DLG2: variants seen among roughly 807,000 people sequenced by gnomAD.
The protein encoded by DLG2 is disks large homolog 2.
Under a neutral mutation model 132.5 loss-of-function variants are expected in DLG2, and 45 were observed. The observed-to-expected ratio is 0.34, with a 90% CI of 0.27 to 0.44. The LOEUF is 0.44. Ranked by LOEUF, DLG2 falls within the 20% of genes least tolerant of loss-of-function variation. DLG2 has a pLI of 1.00. For missense variants in DLG2, 1,045 were observed against 1,196.9 expected, an observed-to-expected ratio of 0.87 and a Z score of 1.87; for synonymous variants, 424 against 419.6, an observed-to-expected ratio of 1.01 and a Z score of -0.13.
At chr11:85,467,699 G>A (rs570604925) in intron 3 of DLG2, among the ~76,000 whole-genome samples, 1 of 152,258 alleles carries the variant, frequency 6.6e-6, no homozygotes, top group African/African-American at 2.4e-5. Flanking sequence ...ATGTGCCCCT[G>A]AATTCAGTTT....
chr11:85,091,121 T>A (rs148129387), intron 6 of DLG2, among the ~76,000 whole-genome samples: 1 of 152,162 alleles, frequency 6.6e-6, no homozygotes. Flanking sequence ...CCCATTTGGT[T>A]CCACCTCCAA....
Position 83,850,174 on chromosome 11 carries a change from G to A in DLG2, c.1566-16404C>T, listed in dbSNP as rs549107755. Among the ~76,000 whole-genome samples, 16 of 100,814 alleles carry A rather than the reference G, an allele frequency of 1.6e-4. 1 individual carries two copies. The East Asian group carries it at 5.1e-3, about 32-fold the overall frequency. 66.1% of individuals were successfully genotyped at this position (100,814 alleles called of 152,430 possible). The stretch of plus-strand genomic sequence containing the variant: ...TGTGTGTGTGTGTTTTTTTACTTGA[G>A]ACGGAGTCTCACTCTGTCTCCCAGG... On this transcript the variant is annotated intron_variant, in intron 16 of 27. Transcript: ENST00000376104.
At chr11:84,842,631 T>C (rs1471884956) in intron 6 of DLG2, among the ~76,000 whole-genome samples, 1 of 151,998 alleles carries the variant, frequency 6.6e-6, no homozygotes, top group Admixed American at 6.6e-5. Context: ...CAGTTTTACC[T>C]ACCTACCAGC....
At chr11:84,038,495 T>C (rs973849622) in intron 11 of DLG2, among the ~76,000 whole-genome samples, 6 of 151,958 alleles carry the variant, frequency 3.9e-5, no homozygotes, top group African/African-American at 1.4e-4. Context: ...TTTGTGTTTT[T>C]TTAAAAAAGT....
intron 6 of DLG2, among the ~76,000 whole-genome samples, chr11:84,579,189 G>GTA (rs1555057742): frequency 7.5e-5 from 1 of 13,382 alleles, no homozygotes; most frequent in African/African-American, 1.7e-4. Flanking sequence ...CATTATTCAC[G>GTA]TGTGTGTGTG....
At chr11:85,550,333 TG>T (rs2076587969) in intron 3 of DLG2, among the ~76,000 whole-genome samples, 1 of 152,210 alleles carries the variant, frequency 6.6e-6, no homozygotes, top group Admixed American at 6.5e-5. Flanking sequence ...TCACATCACC[TG>T]GGGCTTTGGG....
chr11:84,917,499 T>C (rs902382845), intron 6 of DLG2, among the ~76,000 whole-genome samples: 2 of 152,218 alleles, frequency 1.3e-5, no homozygotes, highest in African/African-American at 2.4e-5. Flanking sequence ...ATATTTGTAA[T>C]ATTAGGCAAG....
chr11:84,296,064 A>G (rs1380509093), intron 7 of DLG2, among the ~76,000 whole-genome samples: 3 of 152,190 alleles, frequency 2.0e-5, no homozygotes, highest in Admixed American at 6.5e-5. Context: ...AGTTTAGTCA[A>G]TTGGTCTGGA....
chr11:85,467,260 G>C (rs1029840218), intron 3 of DLG2, among the ~76,000 whole-genome samples: 2 of 152,166 alleles, frequency 1.3e-5, no homozygotes, highest in Admixed American at 1.3e-4. Context: ...TCCAAACAGG[G>C]ACAATTTGAC....
chr11:84,992,784 A>T (rs1042972245), intron 6 of DLG2, among the ~76,000 whole-genome samples: 1 of 151,982 alleles, frequency 6.6e-6, no homozygotes, highest in Non-Finnish European at 1.5e-5. Context: ...TAGATTCTGG[A>T]TGTTAGACCT....
At chr11:84,807,492 T>G (rs1369708907) in intron 6 of DLG2, among the ~76,000 whole-genome samples, 1 of 151,880 alleles carries the variant, frequency 6.6e-6, no homozygotes, top group Non-Finnish European at 1.5e-5. Flanking sequence ...AAACAAAAGA[T>G]TTAAGCCTTA....
intron 6 of DLG2, among the ~76,000 whole-genome samples, chr11:84,561,920 A>G (rs1261271453): frequency 6.6e-6 from 1 of 152,178 alleles, no homozygotes; most frequent in Admixed American, 6.5e-5. Flanking sequence ...TCAACCAAAC[A>G]GAATTCACCT....
intron 6 of DLG2, among the ~76,000 whole-genome samples, chr11:84,932,504 C>T (rs1182301266): frequency 2.6e-5 from 4 of 151,958 alleles, no homozygotes; most frequent in Admixed American, 2.6e-4. Flanking sequence ...TCTAAGTTCC[C>T]ACCCCTCACC....
At chr11:83,513,872 T>G (rs1021358336) in intron 21 of DLG2, among the ~76,000 whole-genome samples, 7 of 152,232 alleles carry the variant, frequency 4.6e-5, no homozygotes, top group Non-Finnish European at 1.0e-4. Context: ...GGCTCTGTTC[T>G]GTTCCATTGG....
intron 6 of DLG2, among the ~76,000 whole-genome samples, chr11:84,978,157 G>T (rs573652516): frequency 6.6e-6 from 1 of 152,060 alleles, no homozygotes; most frequent in African/African-American, 2.4e-5. Flanking sequence ...GACTTCCAGA[G>T]AAATCATTTA....
At position 83,926,189 on chromosome 11, in the gene DLG2, G is replaced by A. The variant is rs924465331; in HGVS notation, c.1496+4139C>T. Reference sequence around the variant, plus strand: ...TGAATGTTTGCTATTAATTCAAAGAGCTGAGAACTTGGGTATTCCCACTGA... The same window carrying A: ...TGAATGTTTGCTATTAATTCAAAGAACTGAGAACTTGGGTATTCCCACTGA... On this transcript the variant is annotated intron_variant, in intron 15 of 27. Transcript: ENST00000376104. Among the ~76,000 whole-genome samples the A allele has an allele frequency of 3.9e-5, 6 of 152,316 alleles. 1 individual carries two copies. The South Asian group carries it at 6.2e-4, about 16-fold the overall frequency.
intron 6 of DLG2, among the ~76,000 whole-genome samples, chr11:85,104,571 C>A (rs1276172750): frequency 1.3e-5 from 2 of 151,706 alleles, no homozygotes. Context: ...GAAATTACTG[C>A]TAATGGATGT....
chr11:83,921,236 G>A (rs540661662), intron 15 of DLG2, among the ~76,000 whole-genome samples: 2 of 152,148 alleles, frequency 1.3e-5, no homozygotes, highest in East Asian at 1.9e-4. Flanking sequence ...CCTCATAGTT[G>A]CCATCATCAT....
chr11:85,270,013 T>C lies in DLG2; in HGVS notation c.186+15207A>G, dbSNP rs531059989. Among the ~76,000 whole-genome samples, 16 of 152,304 alleles carry C rather than the reference T, an allele frequency of 1.1e-4. No homozygotes were observed. In the South Asian group the frequency reaches 3.1e-3, roughly 30 times the overall value. ...ATAAGGGCCAGATAAGTGTTAGCTA[T>C]CATTAAAATGTGTTAGTACCTGTAT... is the stretch of plus-strand genomic sequence containing the variant. On this transcript the variant is annotated intron_variant, in intron 4 of 27. Coordinates refer to ENST00000376104, the MANE Select transcript of DLG2 (RefSeq NM_001142699.3).
Sources: allele counts gnomAD v4.1 joint callset (sites outside exome capture counted in the v4.1 genomes callset), GRCh38; gene constraint gnomAD v4.1.1; transcripts MANE v1.5; gene names NCBI Gene and HGNC (gene_info 2026-07-23, HGNC 2026-07-21).